Variants in TES observed in about 807,000 individuals in gnomAD.
The protein encoded by TES is testin.
A neutral mutation model predicts 48.2 loss-of-function variants in TES; 41 were observed. The ratio of observed to expected loss-of-function variants is 0.85; its 90% CI spans 0.66 to 1.10. TES has a LOEUF of 1.10. TES is among the 50% of genes least tolerant of loss of function. TES has a pLI of 0.00. For missense variants in TES, 463 were observed against 515.1 expected, an observed-to-expected ratio of 0.90 and a Z score of 0.98; for synonymous variants, 162 against 174.9, an observed-to-expected ratio of 0.93 and a Z score of 0.58.
Position 116,257,317 on chromosome 7 carries a change from C to T in TES, c.1101C>T (p.Ala367=). 6.2e-7 allele frequency: 1 copy of T among 1,612,086 alleles called. No homozygotes were observed. Among genetic ancestry groups the T allele is most frequent in the Non-Finnish European group, 8.5e-7 (1 of 1,179,224 alleles). ...HAVVCQGCHN[A]IDPEVQRVTY... ...AGGTGTGTCAAGGATGCCACAATGC[C>T]ATCGACCCAGAAGTGCAGCGGGTGA... The change falls in exon 7 of 7, where the codon GCC becomes GCT. Residue 367 remains alanine, a synonymous_variant. Transcript: ENST00000358204.
At chr7:116,213,219 C>T (rs1799459031) in intron 1 of TES, among the ~76,000 whole-genome samples, 1 of 152,196 alleles carries the variant, frequency 6.6e-6, no homozygotes, top group South Asian at 2.1e-4. Flanking sequence ...AGAGTCCTCA[C>T]CCTATTTTGG....
At chr7:116,256,050 A>G (rs1800094285) in intron 6 of TES, among the ~76,000 whole-genome samples, 1 of 149,286 alleles carries the variant, frequency 6.7e-6, no homozygotes, top group Non-Finnish European at 1.5e-5. Flanking sequence ...TCATTTTTAT[A>G]GTATTCAGGA....
chr7:116,234,097 A>T (rs1028598607), intron 1 of TES, among the ~76,000 whole-genome samples: 2 of 150,208 alleles, frequency 1.3e-5, no homozygotes, highest in Non-Finnish European at 2.9e-5. Context: ...CATAATAAAA[A>T]TAATATTTCA....
At chr7:116,236,907 G>C (rs915807019) in intron 2 of TES, among the ~76,000 whole-genome samples, 1 of 152,094 alleles carries the variant, frequency 6.6e-6, no homozygotes, top group African/African-American at 2.4e-5. Context: ...CATTCAGCTG[G>C]GGTTGATAAC....
intron 1 of TES, among the ~76,000 whole-genome samples, chr7:116,214,169 A>G (rs1001854302): frequency 2.0e-5 from 3 of 152,006 alleles, no homozygotes; most frequent in African/African-American, 7.3e-5. Flanking sequence ...TTTACTTTTT[A>G]AAAATATGAT....
chr7:116,217,093 A>G (rs1799503089), intron 1 of TES, among the ~76,000 whole-genome samples: 1 of 152,174 alleles, frequency 6.6e-6, no homozygotes, highest in Non-Finnish European at 1.5e-5. Flanking sequence ...AGCAATGTAA[A>G]TATTGAAAGT....
chr7:116,224,812 C>T (rs1423944609), intron 1 of TES, among the ~76,000 whole-genome samples: 3 of 151,888 alleles, frequency 2.0e-5, no homozygotes, highest in Non-Finnish European at 4.4e-5. Context: ...AGAGAAGTTA[C>T]AGAAGAGGAA....
At chr7:116,237,238 G>A (rs777376363) in intron 2 of TES, among the ~76,000 whole-genome samples, 19 of 152,190 alleles carry the variant, frequency 1.2e-4, no homozygotes, top group Non-Finnish European at 2.2e-4. Flanking sequence ...CTTGACTTAG[G>A]ACCCTGAGGG....
At chr7:116,256,042 AT>A (rs1443393066) in intron 6 of TES, among the ~76,000 whole-genome samples, 1 of 151,482 alleles carries the variant, frequency 6.6e-6, no homozygotes, top group Non-Finnish European at 1.5e-5. Flanking sequence ...TGAAACGTTC[AT>A]TTTTATAGTA....
At chr7:116,249,305 G>T in intron 3 of TES, 33 bp downstream of exon 3, 5 of 1,612,450 alleles carry the variant, frequency 3.1e-6, no homozygotes, top group Non-Finnish European at 2.5e-6. Flanking sequence ...TTTCTTTATT[G>T]AAGTTCCTGG....
At chr7:116,224,433 T>C (rs1799596381) in intron 1 of TES, among the ~76,000 whole-genome samples, 1 of 152,236 alleles carries the variant, frequency 6.6e-6, no homozygotes, top group African/African-American at 2.4e-5. Flanking sequence ...TATGTAATCT[T>C]ACATATAATA....
rs376756744 is a variant in TES, at chr7:116,210,861, C to T, written c.27+127C>T. On this transcript the variant is annotated intron_variant, in intron 1 of 6. Transcript: ENST00000358204. ...CGGTGTGAGCCCGGCTCTGGGTCTG[C>T]GGTGCCCCGGGCCCAGGGACCTGGC... 1.7e-3 allele frequency: 1,465 copies of T among 845,312 alleles called. 22 individuals are homozygous for T. In the African/African-American group the frequency reaches 0.024, roughly 14 times the overall value. The allele number at this position is 845,312 out of a possible 1,614,324, so 52.4% of individuals were successfully genotyped here. A position where few individuals can be genotyped will look rare whatever the true frequency, so the allele number is the denominator to read the frequency against.
intron 2 of TES, among the ~76,000 whole-genome samples, chr7:116,235,296 A>ACATCT (rs1299557802): frequency 6.6e-6 from 1 of 152,196 alleles, no homozygotes; most frequent in Admixed American, 6.5e-5. Flanking sequence ...TGGTAACTTT[A>ACATCT]CATCTCATGT....
chr7:116,255,358 G>A (rs1200060103), intron 6 of TES: 1 of 152,228 alleles, frequency 6.6e-6, no homozygotes, highest in South Asian at 2.1e-4. Context: ...TCCCTGAAGG[G>A]TTCTGCAGTC....
chr7:116,251,947 A>G lies in TES; in HGVS notation c.890A>G (p.Glu297Gly). 1.2e-6 allele frequency: 2 copies of G among 1,614,162 alleles called. No individual in the cohort carries two copies. The highest frequency in any genetic ancestry group is 8.5e-7 in the Non-Finnish European group (1 of 1,180,024). ...LYCGRHYCDS[E>G]KPRCAGCDEL... Reference sequence around the variant, plus strand: ...TGTGGCAGACATTACTGTGACAGCGAGAAACCCCGATGTGCTGGCTGTGAC... The same window carrying G: ...TGTGGCAGACATTACTGTGACAGCGGGAAACCCCGATGTGCTGGCTGTGAC... The change falls in exon 5 of 7, where the codon GAG becomes GGG. Residue 297 changes from glutamate to glycine, a missense_variant. Transcript: ENST00000358204.
intron 1 of TES, among the ~76,000 whole-genome samples, chr7:116,221,381 T>C (rs545272509): frequency 6.6e-6 from 1 of 152,166 alleles, no homozygotes; most frequent in Non-Finnish European, 1.5e-5. Context: ...CTGATTGGAA[T>C]CTTCCTCAGA....
At chr7:116,236,769 A>G (rs1799778038) in intron 2 of TES, among the ~76,000 whole-genome samples, 1 of 152,248 alleles carries the variant, frequency 6.6e-6, no homozygotes, top group Non-Finnish European at 1.5e-5. Context: ...ATATCCGACA[A>G]GAGCAGATCT....
At chr7:116,230,203 CAT>C (rs1799679538) in intron 1 of TES, among the ~76,000 whole-genome samples, 1 of 152,174 alleles carries the variant, frequency 6.6e-6, no homozygotes. Context: ...GAAAGTGTAT[CAT>C]ATTGCCGTGA....
chr7:116,233,562 A>C (rs988264419), intron 1 of TES, among the ~76,000 whole-genome samples: 1 of 152,204 alleles, frequency 6.6e-6, no homozygotes, highest in African/African-American at 2.4e-5. Flanking sequence ...GAGTTTCAGC[A>C]AAAACATTTC....
Sources: gnomAD v4.1 joint callset for allele counts (sites outside exome capture counted in the v4.1 genomes callset) on GRCh38, gnomAD v4.1.1 for gene constraint, MANE v1.5 for transcripts, NCBI Gene and HGNC (gene_info 2026-07-23, HGNC 2026-07-21) for gene names.